PAPOLG: variants seen among roughly 807,000 people sequenced by gnomAD.
The protein encoded by PAPOLG is PAP-gamma.
In PAPOLG, 40 loss-of-function variants were observed where a neutral mutation model predicts 99.0. The ratio of observed to expected loss-of-function variants is 0.40; its 90% CI spans 0.31 to 0.53. The LOEUF (loss-of-function observed/expected upper bound fraction) is 0.53, where lower values mean the gene tolerates loss of function less well. PAPOLG is among the 20% of genes least tolerant of loss of function. The probability of loss-of-function intolerance (pLI) is 0.41; values close to 1 mark genes in which losing one functional copy is unlikely to be tolerated. For synonymous variants in PAPOLG, 310 were observed against 299.3 expected (o/e 1.04, Z -0.37); for missense variants, 675 against 884.1 (o/e 0.76, Z 3.00).
rs950692923 is a variant in PAPOLG, at chr2:60,771,529, T to G, written c.503T>G (p.Val168Gly). The G allele has an allele frequency of 6.3e-7, 1 of 1,588,054 alleles. No homozygotes were observed. Among genetic ancestry groups the G allele is most frequent in the African/African-American group, 1.4e-5 (1 of 73,002 alleles). Residue 168 changes from valine to glycine, a missense_variant, in exon 7 of 22, where the codon GTC becomes GGC. By Grantham distance (109) the Val-to-Gly change is moderately radical (BLOSUM62 -3). This residue lies in a region of PAPOLG where 113 missense variants were observed against 231.5 expected (regional missense o/e 0.49). Coordinates refer to ENST00000238714, the MANE Select transcript of PAPOLG (RefSeq NM_022894.4). ...FEFDGIEIDLVFARLAIQTIS... is the reference protein window; with the variant it reads ...FEFDGIEIDLGFARLAIQTIS... ...CACATCTTTCCAAAGATTGATCTAGTCTTTGCAAGACTGGCAATACAAACC... is the reference window on the plus strand; with the variant it reads ...CACATCTTTCCAAAGATTGATCTAGGCTTTGCAAGACTGGCAATACAAACC...
At position 60,775,105 on chromosome 2, in the gene PAPOLG, G is replaced by A; in HGVS notation, c.676G>A (p.Val226Ile). 6.2e-7 allele frequency: 1 copy of A among 1,610,314 alleles called. No individual in the cohort carries two copies. The highest frequency in any genetic ancestry group is 1.1e-5 in the South Asian group (1 of 89,688). ...KETFRLTLRAVKLWAKRRGIY... is the reference protein window; with the variant it reads ...KETFRLTLRAIKLWAKRRGIY... ...AACTTTTAGACTCACCCTAAGAGCTGTCAAATTATGGGCAAAACGTAAGTA... is the reference window on the plus strand; with the variant it reads ...AACTTTTAGACTCACCCTAAGAGCTATCAAATTATGGGCAAAACGTAAGTA... The change falls in exon 8 of 22, where the codon GTC (valine) becomes ATC (isoleucine). Residue 226 changes from valine to isoleucine, a missense_variant. Coordinates refer to ENST00000238714, the MANE Select transcript of PAPOLG (RefSeq NM_022894.4).
At chr2:60,757,659 CTAATT>C (rs1280211726) in intron 1 of PAPOLG, among the ~76,000 whole-genome samples, 4 of 152,068 alleles carry the variant, frequency 2.6e-5, no homozygotes, top group Non-Finnish European at 5.9e-5. Context: ...GGAAAACACC[CTAATT>C]TAATTCTTTT....
At chr2:60,756,565 T>G in intron 1 of PAPOLG, 70 bp downstream of exon 1, 1 of 1,493,102 alleles carries the variant, frequency 6.7e-7, no homozygotes, top group South Asian at 1.3e-5. Context: ...ACTGTGTCCT[T>G]GTTTCCGTTC....
intron 20 of PAPOLG, 73 bp downstream of exon 20, chr2:60,794,848 A>G: frequency 6.5e-7 from 1 of 1,542,716 alleles, no homozygotes; most frequent in African/African-American, 1.4e-5. Context: ...GCCATATTAG[A>G]AAGTAGGTCA....
In PAPOLG at chr2:60,794,186, G is replaced by C. The variant is rs1251003253; in HGVS notation, c.1984G>C (p.Glu662Gln). 1.2e-6 allele frequency: 2 copies of C among 1,611,472 alleles called. No individual in the cohort carries two copies. Among genetic ancestry groups the C allele is most frequent in the Non-Finnish European group, 1.7e-6 (2 of 1,178,138 alleles). Reference sequence around the variant, plus strand: ...GACTCCTAAGAGGTTGAAAGACGTAGAAAAGGTAAAGTTACAACTTTAGTG... The same window carrying C: ...GACTCCTAAGAGGTTGAAAGACGTACAAAAGGTAAAGTTACAACTTTAGTG... ...DGTPKRLKDV[E>Q]KFIRLESTFK... The change falls in exon 19 of 22, where the codon GAA (glutamate) becomes CAA (glutamine). Residue 662 changes from glutamate to glutamine, a missense_variant. By Grantham distance (29) the Glu-to-Gln change is conservative. Around this residue, in one of 3 missense-constraint regions of PAPOLG, gnomAD observed 413 missense variants for 460.5 expected, o/e 0.90. Coordinates refer to ENST00000238714, the MANE Select transcript of PAPOLG (RefSeq NM_022894.4).
At chr2:60,764,740 T>C (rs1408664225) in intron 3 of PAPOLG, among the ~76,000 whole-genome samples, 2 of 152,214 alleles carry the variant, frequency 1.3e-5, no homozygotes, top group African/African-American at 2.4e-5. Context: ...ATTCTTTCTT[T>C]TACAGCTTTT....
chr2:60,766,195 A>C (rs1411972773), intron 3 of PAPOLG, among the ~76,000 whole-genome samples: 4 of 152,258 alleles, frequency 2.6e-5, no homozygotes, highest in Non-Finnish European at 4.4e-5. Flanking sequence ...TGAAGATTAA[A>C]TATGAAATAT....
rs1309018151 is a variant in PAPOLG at position 60,800,271 on chromosome 2, T to A, written c.*3111T>A. On this transcript the variant is annotated 3_prime_UTR_variant, in exon 22 of 22. Coordinates refer to ENST00000238714, the MANE Select transcript of PAPOLG (RefSeq NM_022894.4). ...CATGATCTCACCTCACTGCAACCTC[T>A]GCCTCCCGGGTTCAAGTGATTCTCT... 6.6e-6 allele frequency: 1 copy of A among 152,146 alleles called. No homozygotes were observed. The highest frequency in any genetic ancestry group is 1.5e-5 in the Non-Finnish European group (1 of 68,058). The allele number at this position is 152,146 out of a possible 1,614,324, so 9.4% of individuals were successfully genotyped here. A position where few individuals can be genotyped will look rare whatever the true frequency, so the allele number is the denominator to read the frequency against.
Position 60,781,902 on chromosome 2 carries a change from G to C in PAPOLG, c.924G>C (p.Arg308Ser), listed in dbSNP as rs1573241461. Reference sequence around the variant, plus strand: ...TTTCACAGGTAAATCCATCAGATAGGTATCATCTCATGCCCATAATCACCC... The same window carrying C: ...TTTCACAGGTAAATCCATCAGATAGCTATCATCTCATGCCCATAATCACCC... ...VWDPRVNPSD[R>S]YHLMPIITPA... The change falls in exon 11 of 22, where the codon AGG (arginine) becomes AGC (serine). Residue 308 changes from arginine to serine, a missense_variant. Physicochemically the swap from Arg to Ser is moderately radical, Grantham distance 110. Transcript: ENST00000238714. 6.2e-7 allele frequency: 1 copy of C among 1,613,710 alleles called. No homozygotes were observed. The highest frequency in any genetic ancestry group is 8.5e-7 in the Non-Finnish European group (1 of 1,179,794).
intron 3 of PAPOLG, among the ~76,000 whole-genome samples, chr2:60,763,816 T>C (rs1280783050): frequency 6.6e-6 from 1 of 150,790 alleles, no homozygotes; most frequent in Non-Finnish European, 1.5e-5. Context: ...GGTTTTGTTC[T>C]TGTTTGAGAC....
chr2:60,796,979 G>A (rs1671727293), intron 21 of PAPOLG, 83 bp from the exon 22 acceptor site: 3 of 1,562,466 alleles, frequency 1.9e-6, no homozygotes, highest in South Asian at 2.3e-5. Context: ...AACTCCCCAA[G>A]TTTTGTGACT....
intron 4 of PAPOLG, 40 bp downstream of exon 4, chr2:60,768,591 TAACA>T: frequency 6.8e-7 from 1 of 1,475,468 alleles, no homozygotes; most frequent in Non-Finnish European, 9.4e-7. Flanking sequence ...GAACATTCAA[TAACA>T]AACTCTTCAT....
chr2:60,758,489 G>A (rs749625680), intron 1 of PAPOLG, among the ~76,000 whole-genome samples: 2 of 146,782 alleles, frequency 1.4e-5, no homozygotes, highest in Admixed American at 6.9e-5. Flanking sequence ...GTGTGGTGGC[G>A]CGATCTTGGT....
chr2:60,790,898 G>A (rs756351654), intron 15 of PAPOLG, among the ~76,000 whole-genome samples: 6 of 152,136 alleles, frequency 3.9e-5, no homozygotes, highest in Non-Finnish European at 8.8e-5. Flanking sequence ...AGACCAGCCT[G>A]GCCAACATAA....
intron 9 of PAPOLG, 116 bp from the exon 10 acceptor site, chr2:60,780,591 A>T: frequency 9.0e-7 from 1 of 1,115,374 alleles, no homozygotes; most frequent in Non-Finnish European, 1.3e-6. Flanking sequence ...TTCCTTTAAT[A>T]CCAAATACCC....
intron 7 of PAPOLG, among the ~76,000 whole-genome samples, chr2:60,774,342 C>A (rs1257239507): frequency 2.6e-5 from 4 of 151,308 alleles, no homozygotes; most frequent in African/African-American, 9.7e-5. Context: ...CCAGGGGTAC[C>A]CAGACCATAC....
rs1240832508 is a variant in PAPOLG, at chr2:60,780,700, A to G, written c.834-7A>G. Reference sequence around the variant, plus strand: ...ATGTGTAAGTTAATTTGCCTTATTCATGTCAGGGAATGGCCAAATCCTGTG... The same window carrying G: ...ATGTGTAAGTTAATTTGCCTTATTCGTGTCAGGGAATGGCCAAATCCTGTG... On this transcript the variant is annotated splice_polypyrimidine_tract_variant and splice_region_variant and intron_variant, in intron 9 of 21. Coordinates refer to ENST00000238714, the MANE Select transcript of PAPOLG (RefSeq NM_022894.4). The G allele has an allele frequency of 3.1e-6, 5 of 1,613,906 alleles. No individual in the cohort carries two copies. Among genetic ancestry groups the G allele is most frequent in the South Asian group, 1.1e-5 (1 of 91,064 alleles).
At position 60,760,188 on chromosome 2, in the gene PAPOLG, A is replaced by G. The variant is rs1670481528; in HGVS notation, c.72A>G (p.Pro24=). Residue 24 remains proline, a synonymous_variant, in exon 2 of 22, where the codon CCA becomes CCG. Transcript: ENST00000238714. ...AAAAGCATTATGGAATTACCTCCCC[A>G]ATTAGTTTGGCATCTCCTAAAGAAA... ...RQQKHYGITS[P]ISLASPKEID... 1 of 1,613,900 alleles carries G rather than the reference A, an allele frequency of 6.2e-7. No homozygotes were observed. The highest frequency in any genetic ancestry group is 8.5e-7 in the Non-Finnish European group (1 of 1,179,792).
rs1671202584 is a variant in PAPOLG at position 60,781,968 on chromosome 2, A to G, written c.990A>G (p.Thr330=). The change falls in exon 11 of 22, where the codon ACA becomes ACG. Residue 330 remains threonine (T), a synonymous_variant. Transcript: ENST00000238714. ...AGAATTCTACGTATAATGTGTCCAC[A>G]TCAACTCGAACAGTAATGGTAGAAG... ...PQQNSTYNVS[T]STRTVMVEEF... 6.2e-7 allele frequency: 1 copy of G among 1,614,024 alleles called. No homozygotes were observed.
Sources: allele counts gnomAD v4.1 joint callset (sites outside exome capture counted in the v4.1 genomes callset), GRCh38; gene constraint gnomAD v4.1.1; regional missense constraint gnomAD v4.1.1; transcripts MANE v1.5; gene names NCBI Gene and HGNC (gene_info 2026-07-23, HGNC 2026-07-21).